The following THRB variants were observed in gnomAD, a reference collection of about 807,000 sequenced individuals.
THRB encodes the protein thyroid hormone receptor beta, also known as nuclear receptor subfamily 1 group A member 2.
A neutral mutation model predicts 47.8 loss-of-function variants in THRB; 12 were observed. The observed-to-expected ratio is 0.25, with a 90% CI of 0.16 to 0.41. THRB has a LOEUF of 0.41. THRB is among the 10% of genes least tolerant of loss of function. The pLI, the probability that THRB is intolerant of heterozygous loss-of-function variation, is 1.00. For missense variants in THRB, 348 were observed against 589.2 expected, an observed-to-expected ratio of 0.59 and a Z score of 4.24; for synonymous variants, 218 against 212.2, an observed-to-expected ratio of 1.03 and a Z score of -0.24.
At chr3:24,274,313 T>C (rs1052257412) in intron 3 of THRB, among the ~76,000 whole-genome samples, 4 of 152,204 alleles carry the variant, frequency 2.6e-5, no homozygotes, top group African/African-American at 9.7e-5. Context: ...ACTGTTTATA[T>C]GGACTTAAAT....
At chr3:24,246,492 G>A (rs1030574358) in intron 3 of THRB, among the ~76,000 whole-genome samples, 3 of 152,186 alleles carry the variant, frequency 2.0e-5, no homozygotes, top group African/African-American at 2.4e-5. Context: ...GGTAACATTA[G>A]GAAAGAGTGG....
At chr3:24,295,239 G>A (rs1028325765) in intron 3 of THRB, among the ~76,000 whole-genome samples, 2 of 152,178 alleles carry the variant, frequency 1.3e-5, no homozygotes, top group Admixed American at 1.3e-4. Flanking sequence ...ATTTGGAAAA[G>A]CCAAGTAATT....
intron 1 of THRB, chr3:24,483,778 T>C (rs1193316143): frequency 6.6e-6 from 1 of 152,246 alleles, no homozygotes; most frequent in Middle Eastern, 3.2e-3. Flanking sequence ...TAGCATAGTG[T>C]AGCAAAGACA....
chr3:24,230,357 A>C (rs995259017), intron 3 of THRB, among the ~76,000 whole-genome samples: 2 of 152,224 alleles, frequency 1.3e-5, no homozygotes, highest in Non-Finnish European at 2.9e-5. Flanking sequence ...GATACATAAC[A>C]GGTACTCAAC....
At chr3:24,325,433 T>G (rs1256904706) in intron 2 of THRB, among the ~76,000 whole-genome samples, 1 of 152,220 alleles carries the variant, frequency 6.6e-6, no homozygotes, top group Non-Finnish European at 1.5e-5. Context: ...ATGCCTGTAG[T>G]CCCAGCACTT....
At chr3:24,134,680 T>C (rs925656541) in intron 8 of THRB, among the ~76,000 whole-genome samples, 22 of 152,114 alleles carry the variant, frequency 1.4e-4, no homozygotes, top group Non-Finnish European at 2.9e-4. Flanking sequence ...TCTACTCCTC[T>C]GAACACCCTC....
intron 4 of THRB, among the ~76,000 whole-genome samples, chr3:24,225,998 C>T (rs2047616977): frequency 6.6e-6 from 1 of 152,064 alleles, no homozygotes; most frequent in Non-Finnish European, 1.5e-5. Flanking sequence ...AAAAAATAAA[C>T]AATTATTCAT....
chr3:24,411,053 G>A (rs2068252166), intron 1 of THRB, among the ~76,000 whole-genome samples: 1 of 151,816 alleles, frequency 6.6e-6, no homozygotes, highest in South Asian at 2.1e-4. Context: ...CATTGGCTGA[G>A]TGTGGTGGCT....
At chr3:24,278,315 G>T (rs954675604) in intron 3 of THRB, among the ~76,000 whole-genome samples, 1 of 152,162 alleles carries the variant, frequency 6.6e-6, no homozygotes, top group African/African-American at 2.4e-5. Context: ...AACTGGAAAA[G>T]AAATGAGAAA....
intron 1 of THRB, among the ~76,000 whole-genome samples, chr3:24,370,459 CAT>C (rs2064824490): frequency 6.6e-6 from 1 of 151,994 alleles, no homozygotes; most frequent in African/African-American, 2.4e-5. Context: ...GAGGTGTGCA[CAT>C]GAGTGTGTAT....
chr3:24,389,370 A>G (rs530195247), intron 1 of THRB, among the ~76,000 whole-genome samples: 1 of 152,314 alleles, frequency 6.6e-6, no homozygotes, highest in African/African-American at 2.4e-5. Context: ...TTGAGACTAT[A>G]AAAGGGCAAG....
chr3:24,136,840 T>C (rs1406914784), intron 8 of THRB, among the ~76,000 whole-genome samples: 5 of 152,230 alleles, frequency 3.3e-5, no homozygotes, highest in African/African-American at 1.2e-4. Flanking sequence ...AGCCCAGCTG[T>C]CTGCTCTATG....
At chr3:24,474,575 A>G (rs989316517) in intron 1 of THRB, among the ~76,000 whole-genome samples, 1 of 152,232 alleles carries the variant, frequency 6.6e-6, no homozygotes, top group Non-Finnish European at 1.5e-5. Flanking sequence ...TGTAGAATCA[A>G]TGGCTACTGT....
intron 4 of THRB, among the ~76,000 whole-genome samples, chr3:24,227,471 CT>C (rs1332520493): frequency 6.6e-6 from 1 of 152,086 alleles, no homozygotes; most frequent in African/African-American, 2.4e-5. Context: ...GTTTTGGTGC[CT>C]GTTGATGTGA....
intron 1 of THRB, chr3:24,486,430 T>A (rs1238630266): frequency 6.6e-6 from 1 of 152,186 alleles, no homozygotes; most frequent in African/African-American, 2.4e-5. Context: ...AGATGTCCCA[T>A]GCATTTGTGA....
chr3:24,228,012 T>C (rs1428829192), intron 4 of THRB, among the ~76,000 whole-genome samples: 1 of 152,182 alleles, frequency 6.6e-6, no homozygotes, highest in Non-Finnish European at 1.5e-5. Context: ...TTTGGGATAT[T>C]TCATTTAAAA....
intron 8 of THRB, among the ~76,000 whole-genome samples, chr3:24,135,276 G>A (rs1476077675): frequency 6.6e-6 from 1 of 152,240 alleles, no homozygotes; most frequent in African/African-American, 2.4e-5. Flanking sequence ...CAGAGCACCA[G>A]GGTCAACAGG....
chr3:24,134,699 C>T lies in THRB; in HGVS notation c.739-1237G>A, dbSNP rs113788071. Among the ~76,000 whole-genome samples, 515 of 152,232 alleles carry T rather than the reference C, an allele frequency of 3.4e-3. 2 individuals are homozygous for T. The highest frequency in any genetic ancestry group is 0.012 in the African/African-American group (489 of 41,536). ...CTCCTCTGAACACCCTCCTAGCCAG[C>T]CTCTCCAGCTGTCTCCCAGAAAGAT... is the stretch of plus-strand genomic sequence containing the variant. On this transcript the variant is annotated intron_variant, in intron 8 of 10. Coordinates refer to ENST00000646209, the MANE Select transcript of THRB (RefSeq NM_001354712.2).
chr3:24,194,940 A>T (rs1452436164), intron 4 of THRB, among the ~76,000 whole-genome samples: 2 of 152,232 alleles, frequency 1.3e-5, no homozygotes, highest in Non-Finnish European at 2.9e-5. Flanking sequence ...TTTAGCTTGC[A>T]TTAAAAGGCC....
Sources: allele counts gnomAD v4.1 joint callset (sites outside exome capture counted in the v4.1 genomes callset), GRCh38; gene constraint gnomAD v4.1.1; transcripts MANE v1.5; gene names NCBI Gene and HGNC (gene_info 2026-07-23, HGNC 2026-07-21).